Variants in LFNG observed in about 807,000 individuals in gnomAD.
The protein encoded by LFNG is beta-1,3-N-acetylglucosaminyltransferase lunatic fringe.
Under a neutral mutation model 32.7 loss-of-function variants are expected in LFNG, and 15 were observed. The observed-to-expected ratio is 0.46, with a 90% CI of 0.31 to 0.71. LFNG has a LOEUF of 0.71. Among genes scored for constraint, LFNG ranks in the 30% least tolerant of loss-of-function variants. The pLI is 0.06. For missense variants in LFNG, 520 were observed against 545.7 expected (o/e 0.95, Z 0.47); for synonymous variants, 274 against 246.8 (o/e 1.11, Z -1.03).
chr7:2,527,830 A>G lies in LFNG; in HGVS notation c.*618A>G. The G allele has an allele frequency of 1.0e-6, 1 of 1,003,244 alleles. No homozygotes were observed. The allele number at this position is 1,003,244 out of a possible 1,614,324, so 62.1% of individuals were successfully genotyped here. ...CAGTGGCTGGCTGTCCAGCTGGGCA[A>G]ACAGTGGCACCCCTCCCAGCTCTTC... On this transcript the variant is annotated 3_prime_UTR_variant, in exon 8 of 8. Transcript: ENST00000222725. This position sits in a 1 kb window ranked among gnomAD's most constrained non-coding sequence, Gnocchi z 4.4.
At position 2,526,192 on chromosome 7, in the gene LFNG, C is replaced by A; in HGVS notation, c.822-52C>A. On this transcript the variant is annotated intron_variant, in intron 5 of 7. Transcript: ENST00000222725. This position sits in a 1 kb window ranked among gnomAD's most constrained non-coding sequence, Gnocchi z 6.9. ...TGCCTGGTGGGGCCTCCCCAGCTCCCAGCAGATGGCTCCCGCCTCTGCTCA... is the reference window on the plus strand; with the variant it reads ...TGCCTGGTGGGGCCTCCCCAGCTCCAAGCAGATGGCTCCCGCCTCTGCTCA... The A allele has an allele frequency of 1.2e-6, 2 of 1,601,350 alleles. No homozygotes were observed. Among genetic ancestry groups the A allele is most frequent in the South Asian group, 1.1e-5 (1 of 90,852 alleles).
At position 2,527,879 on chromosome 7, in the gene LFNG, C is replaced by T; in HGVS notation, c.*667C>T. On this transcript the variant is annotated 3_prime_UTR_variant, in exon 8 of 8. Transcript: ENST00000222725. This position sits in a 1 kb window ranked among gnomAD's most constrained non-coding sequence, Gnocchi z 4.4. ...TCTGAGTGGGGAGTCTTCCAGGCCT[C>T]CTCAGAGGTCTTCCCTTTGCCTCCC... is the stretch of plus-strand genomic sequence containing the variant. The T allele has an allele frequency of 4.0e-6, 4 of 992,042 alleles. No homozygotes were observed. Among genetic ancestry groups the T allele is most frequent in the Non-Finnish European group, 4.8e-6 (4 of 833,294 alleles). The allele number at this position is 992,042 out of a possible 1,614,324, so 61.5% of individuals were successfully genotyped here.
At position 2,527,093 on chromosome 7, in the gene LFNG, G is replaced by T. The variant is rs747915828; in HGVS notation, c.1074-53G>T. The T allele has an allele frequency of 1.9e-6, 3 of 1,567,766 alleles. No homozygotes were observed. Among genetic ancestry groups the T allele is most frequent in the Non-Finnish European group, 1.8e-6 (2 of 1,141,288 alleles). On this transcript the variant is annotated intron_variant, in intron 7 of 7. Coordinates refer to ENST00000222725, the MANE Select transcript of LFNG (RefSeq NM_001040167.2). The surrounding 1 kb of genome is among the most constrained non-coding windows in gnomAD (Gnocchi z 4.4). ...CAGTGTTGTGGGACTGCAAATGGGAGCTCAGCACCTGCCTGCCACCCACGC... is the reference window on the plus strand; with the variant it reads ...CAGTGTTGTGGGACTGCAAATGGGATCTCAGCACCTGCCTGCCACCCACGC...
At chr7:2,518,046 TG>T, upstream of LFNG, 1 of 500,034 alleles carries the variant, frequency 2.0e-6, no homozygotes, top group Non-Finnish European at 2.9e-6. Context: ...AATTCAGATA[TG>T]GGAGAGCCTG....
chr7:2,525,246 C>G lies in LFNG; in HGVS notation c.509C>G (p.Ala170Gly). The G allele has an allele frequency of 1.9e-6, 3 of 1,612,914 alleles. No individual in the cohort carries two copies. Among genetic ancestry groups the G allele is most frequent in the Non-Finnish European group, 2.5e-6 (3 of 1,179,910 alleles). The change falls in exon 3 of 8, where the codon GCC (alanine) becomes GGC (glycine). Residue 170 changes from alanine to glycine, a missense_variant. Ala to Gly is a moderately conservative substitution (Grantham distance 60, BLOSUM62 0). Around this residue, in one of 3 missense-constraint regions of LFNG, gnomAD observed 360 missense variants for 354.7 expected, o/e 1.01. Coordinates refer to ENST00000222725, the MANE Select transcript of LFNG (RefSeq NM_001040167.2). ...AACGTGGTCATCACAAACTGCTCGGCCGCCCACAGCCGCCAGGCGCTGTCC... is the reference window on the plus strand; with the variant it reads ...AACGTGGTCATCACAAACTGCTCGGGCGCCCACAGCCGCCAGGCGCTGTCC... ...TGNVVITNCSAAHSRQALSCK... is the reference protein window; with the variant it reads ...TGNVVITNCSGAHSRQALSCK...
chr7:2,517,358 T>TC (rs916405484), upstream of LFNG, among the ~76,000 whole-genome samples: 1 of 151,876 alleles, frequency 6.6e-6, no homozygotes, highest in African/African-American at 2.4e-5. Context: ...CAGCATCAGG[T>TC]CCCCCACTCC....
upstream of LFNG, among the ~76,000 whole-genome samples, chr7:2,514,167 C>T (rs533792293): frequency 4.6e-5 from 7 of 152,354 alleles, no homozygotes; most frequent in South Asian, 2.1e-4. Flanking sequence ...AGGCCCTGTG[C>T]GGGCTCAGAG....
chr7:2,516,518 G>A (rs1260708788), upstream of LFNG, among the ~76,000 whole-genome samples: 1 of 152,236 alleles, frequency 6.6e-6, no homozygotes, highest in Admixed American at 6.5e-5. Flanking sequence ...GACTCCAGCA[G>A]GAGAACCCCC....
intron 2 of LFNG, 94 bp from the exon 3 acceptor site, chr7:2,525,125 T>G: frequency 8.8e-7 from 1 of 1,137,300 alleles, no homozygotes; most frequent in Middle Eastern, 2.6e-4. Flanking sequence ...CTAGGGGGCT[T>G]TTCTCGAGCC....
Position 2,520,332 on chromosome 7 carries a change from C to T in LFNG, c.432+39C>T, listed in dbSNP as rs762486512. On this transcript the variant is annotated intron_variant, in intron 1 of 7. Transcript: ENST00000222725. This position sits in a 1 kb window ranked among gnomAD's most constrained non-coding sequence, Gnocchi z 5.0. ...GGCCTGGACTGGCGGGCGAGCGGGG[C>T]GGGGACCCACCATCTGGTCCAGCTG... 6.4e-7 allele frequency: 1 copy of T among 1,572,464 alleles called. No homozygotes were observed.
In LFNG at chr7:2,525,211, G is replaced by A. The variant is rs761170580; in HGVS notation, c.482-8G>A. ...CAGACCTACTCACAGCCGCTCCCCTGTCCACAGGCAACGTGGTCATCACAA... is the reference window on the plus strand; with the variant it reads ...CAGACCTACTCACAGCCGCTCCCCTATCCACAGGCAACGTGGTCATCACAA... On this transcript the variant is annotated splice_polypyrimidine_tract_variant and splice_region_variant and intron_variant, in intron 2 of 7. Coordinates refer to ENST00000222725, the MANE Select transcript of LFNG (RefSeq NM_001040167.2). The A allele has an allele frequency of 6.2e-7, 1 of 1,612,326 alleles. No homozygotes were observed. Among genetic ancestry groups the A allele is most frequent in the South Asian group, 1.1e-5 (1 of 91,048 alleles).
downstream of LFNG, chr7:2,528,834 C>A: frequency 3.2e-6 from 2 of 617,560 alleles, no homozygotes; most frequent in South Asian, 3.7e-5. Flanking sequence ...TCACTCCTGC[C>A]ACGAGCTCAC....
Position 2,528,073 on chromosome 7 carries a change from G to A in LFNG, c.*861G>A. 2.7e-6 allele frequency: 1 copy of A among 375,436 alleles called. No homozygotes were observed. The highest frequency in any genetic ancestry group is 1.2e-4 in the South Asian group (1 of 8,478). 23.3% of individuals were successfully genotyped at this position (375,436 alleles called of 1,614,324 possible). ...GGTGTTCTTGTTTTTTGCTTGGGAG[G>A]GTGGGGGTGGGGGAGGGTCTTATTT... On this transcript the variant is annotated 3_prime_UTR_variant, in exon 8 of 8. Transcript: ENST00000222725.
chr7:2,517,756 G>C (rs960402021), upstream of LFNG: 2 of 662,272 alleles, frequency 3.0e-6, no homozygotes. Context: ...GCCATGCTTG[G>C]CTGCAGGGGA....
chr7:2,521,724 A>G (rs1779798290), intron 1 of LFNG, among the ~76,000 whole-genome samples: 3 of 152,190 alleles, frequency 2.0e-5, no homozygotes, highest in African/African-American at 4.8e-5. Context: ...CCTTTCTCCA[A>G]CAGAGGGGAT....
Position 2,520,510 on chromosome 7 carries a change from T to A in LFNG, c.432+217T>A, listed in dbSNP as rs1454500299. ...ACTGTCCCCGGGGCCCCGCCTCCTG[T>A]CCAGCTCCAGAGTCCTGGATGGCTG... is the stretch of plus-strand genomic sequence containing the variant. On this transcript the variant is annotated intron_variant, in intron 1 of 7. Transcript: ENST00000222725. The surrounding 1 kb of genome is among the most constrained non-coding windows in gnomAD (Gnocchi z 5.0). 6.6e-6 allele frequency among the ~76,000 whole-genome samples: 1 copy of A among 152,210 alleles called. No homozygotes were observed. The highest frequency in any genetic ancestry group is 1.5e-5 in the Non-Finnish European group (1 of 68,028).
intron 1 of LFNG, among the ~76,000 whole-genome samples, chr7:2,512,862 A>G (rs1779526026): frequency 3.3e-5 from 5 of 151,350 alleles, no homozygotes; most frequent in Admixed American, 2.0e-4. Flanking sequence ...AATGCCCCAC[A>G]CACCTGTGCC....
At position 2,527,331 on chromosome 7, in the gene LFNG, CGTGTGCGTGTGT is replaced by C; in HGVS notation, c.*125_*136del. On this transcript the variant is annotated 3_prime_UTR_variant, in exon 8 of 8. Coordinates refer to ENST00000222725, the MANE Select transcript of LFNG (RefSeq NM_001040167.2). This position sits in a 1 kb window ranked among gnomAD's most constrained non-coding sequence, Gnocchi z 4.4. Reference sequence around the variant, plus strand: ...CCCTAGGGCCGTGCCTGTGCGTGTGCGTGTGCGTGTGTGTGTGTGTGTACTGCATGCCCACCC... The same window carrying C: ...CCCTAGGGCCGTGCCTGTGCGTGTGCGTGTGTGTGTACTGCATGCCCACCC... The C allele has an allele frequency of 6.5e-7, 1 of 1,528,628 alleles. No homozygotes were observed. Among genetic ancestry groups the C allele is most frequent in the South Asian group, 1.2e-5 (1 of 84,258 alleles). 94.7% of individuals were successfully genotyped at this position (1,528,628 alleles called of 1,614,324 possible).
At position 2,526,265 on chromosome 7, in the gene LFNG, G is replaced by T. The variant is rs766719689; in HGVS notation, c.843G>T (p.Thr281=). ...PWASGGHFMN[T]AERIRLPDDC... is the part of the protein sequence containing the mutation. Reference sequence around the variant, plus strand: ...GCAGCGGGGGTCACTTCATGAATACGGCTGAGCGGATCCGGCTGCCTGATG... The same window carrying T: ...GCAGCGGGGGTCACTTCATGAATACTGCTGAGCGGATCCGGCTGCCTGATG... The change falls in exon 6 of 8, where the codon ACG becomes ACT. Residue 281 remains threonine, a synonymous_variant. Coordinates refer to ENST00000222725, the MANE Select transcript of LFNG (RefSeq NM_001040167.2). This position sits in a 1 kb window ranked among gnomAD's most constrained non-coding sequence, Gnocchi z 6.9. 1 of 1,613,008 alleles carries T rather than the reference G, an allele frequency of 6.2e-7. No homozygotes were observed. The highest frequency in any genetic ancestry group is 1.7e-5 in the Admixed American group (1 of 60,026).
Sources: gnomAD v4.1 joint callset for allele counts (sites outside exome capture counted in the v4.1 genomes callset) on GRCh38, gnomAD v4.1.1 for gene constraint, gnomAD v4.1.1 regional missense constraint, Gnocchi (gnomAD v3.1) non-coding constraint, MANE v1.5 for transcripts, NCBI Gene and HGNC (gene_info 2026-07-23, HGNC 2026-07-21) for gene names.